Variants in SPATA16 observed in about 807,000 individuals in gnomAD.
SPATA16 encodes spermatogenesis associated 16.
Under a neutral mutation model 63.3 loss-of-function variants are expected in SPATA16, and 36 were observed. The ratio of observed to expected loss-of-function variants is 0.57; its 90% CI spans 0.44 to 0.75. The LOEUF is 0.75. SPATA16 is among the 30% of genes least tolerant of loss of function. The probability of loss-of-function intolerance (pLI) is 0.00; values close to 1 mark genes in which losing one functional copy is unlikely to be tolerated. For synonymous variants in SPATA16, 203 were observed against 216.7 expected, an observed-to-expected ratio of 0.94 and a Z score of 0.56; for missense variants, 646 against 679.3, an observed-to-expected ratio of 0.95 and a Z score of 0.54.
At chr3:173,122,481 G>A (rs776016937) in intron 1 of SPATA16, among the ~76,000 whole-genome samples, 21 of 151,772 alleles carry the variant, frequency 1.4e-4, no homozygotes, top group African/African-American at 1.2e-4. Flanking sequence ...TGAAACATTC[G>A]ACATCACAGT....
chr3:173,089,727 A>G (rs539580620), intron 2 of SPATA16, among the ~76,000 whole-genome samples: 1 of 152,230 alleles, frequency 6.6e-6, no homozygotes, highest in South Asian at 2.1e-4. Context: ...AAAGCACTGA[A>G]TTGGAAATAA....
intron 2 of SPATA16, among the ~76,000 whole-genome samples, chr3:173,114,041 G>T (rs531046404): frequency 6.6e-6 from 1 of 152,034 alleles, no homozygotes; most frequent in East Asian, 1.9e-4. Context: ...TTAGCCAGGC[G>T]TGGTGGCAGG....
At chr3:172,980,156 A>C (rs1734265234) in intron 4 of SPATA16, among the ~76,000 whole-genome samples, 1 of 152,214 alleles carries the variant, frequency 6.6e-6, no homozygotes, top group South Asian at 2.1e-4. Flanking sequence ...ACATTATGTC[A>C]TGCAATATTT....
At chr3:173,008,364 C>A (rs999829377) in intron 4 of SPATA16, among the ~76,000 whole-genome samples, 1 of 152,004 alleles carries the variant, frequency 6.6e-6, no homozygotes, top group African/African-American at 2.4e-5. Flanking sequence ...TGGGGCCTTC[C>A]ATTTCTCTCT....
chr3:173,133,721 A>G (rs1039768317), intron 1 of SPATA16, among the ~76,000 whole-genome samples: 4 of 152,212 alleles, frequency 2.6e-5, no homozygotes, highest in African/African-American at 9.7e-5. Flanking sequence ...ACAAATCTCC[A>G]ATTATAGTGG....
intron 8 of SPATA16, 40 bp downstream of exon 8, chr3:172,924,168 A>G: frequency 1.4e-6 from 2 of 1,463,790 alleles, no homozygotes; most frequent in Non-Finnish European, 1.9e-6. Context: ...ATTCTCTAAT[A>G]TTTGTACATT....
At chr3:173,123,900 G>A (rs898554591) in intron 1 of SPATA16, among the ~76,000 whole-genome samples, 18 of 151,706 alleles carry the variant, frequency 1.2e-4, no homozygotes, top group Non-Finnish European at 2.4e-4. Flanking sequence ...CACCACTTCC[G>A]GCCTGGTATT....
chr3:172,907,331 C>T (rs1477180391), intron 10 of SPATA16, among the ~76,000 whole-genome samples: 1 of 152,228 alleles, frequency 6.6e-6, no homozygotes, highest in East Asian at 1.9e-4. Flanking sequence ...TCCACTCCTA[C>T]CACTGCGTTC....
At chr3:173,025,263 T>A (rs1419441234) in intron 3 of SPATA16, among the ~76,000 whole-genome samples, 1 of 151,806 alleles carries the variant, frequency 6.6e-6, no homozygotes, top group African/African-American at 2.4e-5. Flanking sequence ...TTTTTAATGA[T>A]TTAAATAAAA....
chr3:173,071,877 A>G (rs1207322429), intron 2 of SPATA16, among the ~76,000 whole-genome samples: 1 of 152,376 alleles, frequency 6.6e-6, no homozygotes, highest in East Asian at 1.9e-4. Context: ...GCCATCTCAC[A>G]CTAGTGAGAA....
intron 5 of SPATA16, among the ~76,000 whole-genome samples, chr3:172,958,452 G>T (rs1733653716): frequency 6.6e-6 from 1 of 152,280 alleles, no homozygotes; most frequent in African/African-American, 2.4e-5. Flanking sequence ...GGGATGGCCT[G>T]TCCAGACCAT....
intron 5 of SPATA16, among the ~76,000 whole-genome samples, chr3:172,970,475 A>G (rs1416779131): frequency 1.3e-5 from 2 of 152,220 alleles, no homozygotes; most frequent in Admixed American, 6.5e-5. Context: ...TCTTCTGCAT[A>G]TGACCTAGGG....
chr3:173,127,599 G>A (rs1046400263), intron 1 of SPATA16, among the ~76,000 whole-genome samples: 5 of 152,144 alleles, frequency 3.3e-5, no homozygotes, highest in Admixed American at 2.6e-4. Context: ...CCTCAATTTG[G>A]ATTTTTCTGA....
chr3:173,136,908 T>C (rs1738560073), intron 1 of SPATA16, among the ~76,000 whole-genome samples: 1 of 152,098 alleles, frequency 6.6e-6, no homozygotes, highest in South Asian at 2.1e-4. Context: ...ACGAATAAGC[T>C]TTCCCTGTCC....
chr3:173,104,418 A>G (rs1737572146), intron 2 of SPATA16, among the ~76,000 whole-genome samples: 1 of 152,222 alleles, frequency 6.6e-6, no homozygotes. Flanking sequence ...TATAAAAGAA[A>G]AAAAGGTTTA....
At chr3:172,968,121 T>A (rs545756098) in intron 5 of SPATA16, among the ~76,000 whole-genome samples, 2 of 152,326 alleles carry the variant, frequency 1.3e-5, no homozygotes, top group Non-Finnish European at 2.9e-5. Context: ...AAGCGGGGAC[T>A]GTATCAGCTC....
intron 5 of SPATA16, among the ~76,000 whole-genome samples, chr3:172,968,247 C>T (rs1403115708): frequency 6.6e-6 from 1 of 152,176 alleles, no homozygotes; most frequent in Non-Finnish European, 1.5e-5. Context: ...AGGATTAGTG[C>T]CCTCAAATTC....
intron 4 of SPATA16, among the ~76,000 whole-genome samples, chr3:172,977,991 G>A (rs965329981): frequency 4.9e-4 from 75 of 152,118 alleles, no homozygotes; most frequent in African/African-American, 1.7e-3. Flanking sequence ...AGTTGTATAA[G>A]TCATAGCAGT....
intron 5 of SPATA16, among the ~76,000 whole-genome samples, chr3:172,973,101 T>G (rs1037310896): frequency 3.9e-5 from 6 of 152,300 alleles, no homozygotes; most frequent in African/African-American, 1.4e-4. Context: ...ATGTTGAAAT[T>G]GATGCAATAT....
Sources: gnomAD v4.1 joint callset for allele counts (sites outside exome capture counted in the v4.1 genomes callset) on GRCh38, gnomAD v4.1.1 for gene constraint, MANE v1.5 for transcripts, NCBI Gene and HGNC (gene_info 2026-07-23, HGNC 2026-07-21) for gene names.